Variants in FOXJ3 observed in about 807,000 individuals in gnomAD.
FOXJ3 encodes forkhead box J3.
Under a neutral mutation model 76.1 loss-of-function variants are expected in FOXJ3, and 22 were observed. The observed-to-expected ratio is 0.29, with a 90% CI of 0.21 to 0.41. The LOEUF (loss-of-function observed/expected upper bound fraction) is 0.41. FOXJ3 is among the 10% of genes least tolerant of loss of function. FOXJ3 has a pLI of 1.00. For synonymous variants in FOXJ3, 269 were observed against 261.2 expected, an observed-to-expected ratio of 1.03 and a Z score of -0.29; for missense variants, 613 against 762.1, an observed-to-expected ratio of 0.80 and a Z score of 2.30.
intron 5 of FOXJ3, among the ~76,000 whole-genome samples, chr1:42,209,294 C>T (rs540239227): frequency 5.2e-4 from 79 of 152,274 alleles, no homozygotes; most frequent in African/African-American, 1.7e-3. Flanking sequence ...GAAAACAATT[C>T]GTTTTTTCTT....
At chr1:42,199,283 A>G (rs1332060488) in intron 6 of FOXJ3, 53 bp from the exon 7 acceptor site, 3 of 1,501,584 alleles carry the variant, frequency 2.0e-6, no homozygotes, top group Non-Finnish European at 1.8e-6. Context: ...TTCTTAAGCA[A>G]CTCTGCAAAA....
Position 42,227,925 on chromosome 1 carries a change from C to A in FOXJ3, c.486G>T (p.Val162=). 1 of 1,580,950 alleles carries A rather than the reference C, an allele frequency of 6.3e-7. No homozygotes were observed. Among genetic ancestry groups the A allele is most frequent in the Non-Finnish European group, 8.6e-7 (1 of 1,156,686 alleles). Residue 162 remains valine, a synonymous_variant, in exon 5 of 13, where the codon GTG becomes GTT. Coordinates refer to ENST00000361346, the MANE Select transcript of FOXJ3 (RefSeq NM_014947.5). ...WAIDTNPKED[V]LPTRPKKRAR... ...CCCTCTTCTTTGGCCGAGTAGGCAG[C>A]ACATCTTCCTTCGGATTGGTGTCTA...
chr1:42,208,335 C>T (rs1425922782), intron 5 of FOXJ3, among the ~76,000 whole-genome samples: 1 of 152,146 alleles, frequency 6.6e-6, no homozygotes, highest in Non-Finnish European at 1.5e-5. Flanking sequence ...AAGGATCATT[C>T]ACCATGATCA....
intron 2 of FOXJ3, among the ~76,000 whole-genome samples, chr1:42,299,372 T>A (rs1266204216): frequency 6.6e-6 from 1 of 151,724 alleles, no homozygotes; most frequent in African/African-American, 2.4e-5. Flanking sequence ...CTCATCTTTT[T>A]TTTTTTTTAC....
At chr1:42,271,769 C>T (rs901474680) in intron 3 of FOXJ3, among the ~76,000 whole-genome samples, 2 of 152,040 alleles carry the variant, frequency 1.3e-5, no homozygotes, top group African/African-American at 4.8e-5. Context: ...CCACCTCAGC[C>T]TCTCAAGTAG....
chr1:42,222,037 AAGGAGAAGG>A (rs1160206563), intron 5 of FOXJ3, among the ~76,000 whole-genome samples: 1 of 29,280 alleles, frequency 3.4e-5, no homozygotes, highest in South Asian at 1.6e-3. Context: ...GGGGGAGGAG[AAGGAGAAGG>A]AGAAGAAGAA....
intron 3 of FOXJ3, among the ~76,000 whole-genome samples, chr1:42,273,009 A>G (rs1446394501): frequency 6.6e-6 from 1 of 152,182 alleles, no homozygotes; most frequent in Non-Finnish European, 1.5e-5. Flanking sequence ...ATGATTCCCC[A>G]CTTCCTTGTA....
intron 4 of FOXJ3, among the ~76,000 whole-genome samples, chr1:42,259,534 A>G (rs1156982088): frequency 6.6e-6 from 1 of 152,220 alleles, no homozygotes; most frequent in Non-Finnish European, 1.5e-5. Flanking sequence ...CACACTGCTC[A>G]AACAGTATTA....
intron 4 of FOXJ3, among the ~76,000 whole-genome samples, chr1:42,237,409 T>TATATATATATATATATATACATACATAC (rs1648750284): frequency 5.1e-5 from 1 of 19,588 alleles, no homozygotes; most frequent in African/African-American, 9.6e-5. Context: ...TACATACATA[T>TATATATATATATATATATACATACATAC]ATATATATAT....
intron 2 of FOXJ3, among the ~76,000 whole-genome samples, chr1:42,283,354 C>A (rs888200569): frequency 2.0e-5 from 3 of 152,228 alleles, no homozygotes; most frequent in Middle Eastern, 3.4e-3. Flanking sequence ...TGAGTCATAA[C>A]ACGGGGGTTT....
chr1:42,218,489 G>A lies in FOXJ3; in HGVS notation c.528+9394C>T, dbSNP rs565606954. Among the ~76,000 whole-genome samples, 222 of 152,188 alleles carry A rather than the reference G, an allele frequency of 1.5e-3. 1 individual carries two copies. The highest frequency in any genetic ancestry group is 4.5e-3 in the African/African-American group (187 of 41,510). On this transcript the variant is annotated intron_variant, in intron 5 of 12. Coordinates refer to ENST00000361346, the MANE Select transcript of FOXJ3 (RefSeq NM_014947.5). ...TTGTAGATAATGTGTTGATTTTTCC[G>A]CAAGGGCCAATATGTTTAGGATAGT...
Position 42,264,532 on chromosome 1 carries a change from C to G in FOXJ3, c.444+583G>C, listed in dbSNP as rs951184243. ...AGTAACTTACCTTGACAACCAAATA[C>G]AGTACAACCAAGTACTCTTAAGTTT... is the stretch of plus-strand genomic sequence containing the variant. On this transcript the variant is annotated intron_variant, in intron 4 of 12. Transcript: ENST00000361346. Among the ~76,000 whole-genome samples the G allele has an allele frequency of 2.6e-5, 4 of 152,070 alleles. No individual in the cohort carries two copies. The East Asian group carries it at 7.7e-4, about 29-fold the overall frequency.
Position 42,177,567 on chromosome 1 carries a change from C to T in FOXJ3, c.*2143G>A, listed in dbSNP as rs191596222. 2.3e-3 allele frequency: 357 copies of T among 152,414 alleles called. 1 individual carries two copies. Among genetic ancestry groups the T allele is most frequent in the Non-Finnish European group, 4.0e-3 (271 of 67,948 alleles). The allele number at this position is 152,414 out of a possible 1,614,324, so 9.4% of individuals were successfully genotyped here. ...TCTTGCCTCTGATCCTTCTAAGAGG[C>T]GCAAGTTGGCTGCCTTTCCAGAATC... On this transcript the variant is annotated 3_prime_UTR_variant, in exon 13 of 13. Coordinates refer to ENST00000361346, the MANE Select transcript of FOXJ3 (RefSeq NM_014947.5).
intron 2 of FOXJ3, among the ~76,000 whole-genome samples, chr1:42,307,220 GC>G (rs150397620): frequency 0.01 from 1,575 of 152,280 alleles, 30 homozygotes; most frequent in African/African-American, 0.036. Flanking sequence ...TCCAACACTT[GC>G]AGAACTAGCT....
intron 4 of FOXJ3, among the ~76,000 whole-genome samples, chr1:42,254,519 T>C (rs1222748985): frequency 3.4e-5 from 5 of 147,426 alleles, no homozygotes; most frequent in East Asian, 3.9e-4. Context: ...TGCACACGTA[T>C]GTTTATTGCA....
At chr1:42,252,001 G>A (rs1379218646) in intron 4 of FOXJ3, among the ~76,000 whole-genome samples, 1 of 152,140 alleles carries the variant, frequency 6.6e-6, no homozygotes, top group Non-Finnish European at 1.5e-5. Context: ...ACAGGCGTGA[G>A]CCACCGCGCC....
intron 4 of FOXJ3, among the ~76,000 whole-genome samples, chr1:42,230,967 G>A (rs745591379): frequency 2.6e-5 from 4 of 152,056 alleles, no homozygotes; most frequent in Middle Eastern, 3.2e-3. Flanking sequence ...AAGGATAAAT[G>A]GATAAACAAA....
chr1:42,244,420 G>A (rs1244266746), intron 4 of FOXJ3, among the ~76,000 whole-genome samples: 1 of 152,162 alleles, frequency 6.6e-6, no homozygotes, highest in African/African-American at 2.4e-5. Context: ...AGAGACTGAG[G>A]TGACAGGTAT....
chr1:42,210,723 A>T (rs1221510241), intron 5 of FOXJ3, among the ~76,000 whole-genome samples: 1 of 152,142 alleles, frequency 6.6e-6, no homozygotes, highest in Non-Finnish European at 1.5e-5. Flanking sequence ...AGGAAATCTC[A>T]TAGTCTACAT....
Sources: allele counts gnomAD v4.1 joint callset (sites outside exome capture counted in the v4.1 genomes callset), GRCh38; gene constraint gnomAD v4.1.1; transcripts MANE v1.5; gene names NCBI Gene and HGNC (gene_info 2026-07-23, HGNC 2026-07-21).